Variants in PGAM5 observed in about 807,000 individuals in gnomAD.
PGAM5 encodes PGAM family member 5, mitochondrial serine/threonine protein phosphatase, also known as serine/threonine-protein phosphatase PGAM5, mitochondrial.
Under a neutral mutation model 30.6 loss-of-function variants are expected in PGAM5, and 25 were observed. That is an observed-to-expected ratio of 0.82 (90% CI 0.60 to 1.14). The LOEUF is 1.14. Among genes scored for constraint, PGAM5 ranks in the 50% most tolerant of loss-of-function variants. The pLI is 0.00. For missense variants in PGAM5, 384 were observed against 408.5 expected (o/e 0.94, Z 0.52); for synonymous variants, 201 against 179.1 (o/e 1.12, Z -0.98).
chr12:132,718,896 C>T, intron 5 of PGAM5: 2 of 1,601,396 alleles, frequency 1.2e-6, no homozygotes, highest in Middle Eastern at 1.7e-4. Context: ...GGGTCGAGGC[C>T]ACAGCTGAGT....
At position 132,713,190 on chromosome 12, in the gene PGAM5, C is replaced by G. The variant is rs577468150; in HGVS notation, c.192-1668C>G. ...AGAAAAAAAAGAACTTGAAGTAGAACCGGGAGCTGAGCCCAGCCTTTCTCT... is the reference window on the plus strand; with the variant it reads ...AGAAAAAAAAGAACTTGAAGTAGAAGCGGGAGCTGAGCCCAGCCTTTCTCT... On this transcript the variant is annotated intron_variant, in intron 1 of 5. Coordinates refer to ENST00000498926, the MANE Select transcript of PGAM5 (RefSeq NM_001170543.2). Among the ~76,000 whole-genome samples, 16 of 152,192 alleles carry G rather than the reference C, an allele frequency of 1.1e-4. No homozygotes were observed. The South Asian group carries it at 3.1e-3, about 30-fold the overall frequency.
intron 4 of PGAM5, 60 bp from the exon 5 acceptor site, chr12:132,717,927 C>G (rs1449960740): frequency 6.2e-7 from 1 of 1,606,748 alleles, no homozygotes; most frequent in Non-Finnish European, 8.5e-7. Context: ...GGGGTCTGTC[C>G]TCCTGACACC....
Position 132,717,807 on chromosome 12 carries a change from C to T in PGAM5, c.585+9C>T. 6.3e-7 allele frequency: 1 copy of T among 1,580,002 alleles called. No homozygotes were observed. The highest frequency in any genetic ancestry group is 8.6e-7 in the Non-Finnish European group (1 of 1,163,194). On this transcript the variant is annotated intron_variant, in intron 4 of 5. Transcript: ENST00000498926. ...GGAAGCCGGAAGCTGTGGTAAAAACCTCCCCGGGGGGCAGCTGTGTCACCC... is the reference window on the plus strand; with the variant it reads ...GGAAGCCGGAAGCTGTGGTAAAAACTTCCCCGGGGGGCAGCTGTGTCACCC...
At chr12:132,717,325 CGGA>C (rs1223109226) in intron 2 of PGAM5, 111 bp from the exon 3 acceptor site, 1 of 903,104 alleles carries the variant, frequency 1.1e-6, no homozygotes, top group Non-Finnish European at 1.5e-6. Context: ...TGTTTGCGGG[CGGA>C]GGAGGGGGTG....
chr12:132,720,418 C>A (rs964272816), intron 5 of PGAM5, among the ~76,000 whole-genome samples: 3 of 151,836 alleles, frequency 2.0e-5, no homozygotes, highest in Non-Finnish European at 4.4e-5. Flanking sequence ...CGCCATTCTT[C>A]TGCCTCAGCC....
chr12:132,715,660 C>G (rs910795888), intron 2 of PGAM5, among the ~76,000 whole-genome samples: 3 of 151,760 alleles, frequency 2.0e-5, no homozygotes, highest in African/African-American at 7.3e-5. Flanking sequence ...AGGTGGATCA[C>G]CTGAGGTCAG....
intron 1 of PGAM5, chr12:132,711,536 C>G (rs2043522818): frequency 6.6e-6 from 1 of 152,276 alleles, no homozygotes; most frequent in Non-Finnish European, 1.5e-5. Context: ...GCCTGTAATC[C>G]CAGCGTTTGG....
chr12:132,716,719 A>G (rs188119434), intron 2 of PGAM5, among the ~76,000 whole-genome samples: 5 of 152,210 alleles, frequency 3.3e-5, no homozygotes, highest in Non-Finnish European at 5.9e-5. Context: ...GCTAAGGTAG[A>G]GTTTACATTT....
At position 132,710,895 on chromosome 12, in the gene PGAM5, C is replaced by G. The variant is rs888160211; in HGVS notation, c.19C>G (p.Leu7Val). MAFRQA[L>V]QLAACGLAGG... ...AAGCGGCATGGCGTTCCGGCAGGCG[C>G]TGCAGCTGGCGGCCTGCGGGCTGGC... Residue 7 changes from leucine to valine, a missense_variant, in exon 1 of 6, where the codon CTG (leucine) becomes GTG (valine). Leu to Val is a conservative substitution (Grantham distance 32). Coordinates refer to ENST00000498926, the MANE Select transcript of PGAM5 (RefSeq NM_001170543.2). 38 of 1,141,486 alleles carry G rather than the reference C, an allele frequency of 3.3e-5. No homozygotes were observed. The highest frequency in any genetic ancestry group is 4.0e-5 in the Non-Finnish European group (37 of 931,596). 70.7% of individuals were successfully genotyped at this position (1,141,486 alleles called of 1,614,324 possible).
In PGAM5 at chr12:132,722,010, C is replaced by T. The variant is rs1201728155; in HGVS notation, c.*1182C>T. 1 of 152,050 alleles carries T rather than the reference C, an allele frequency of 6.6e-6. No homozygotes were observed. The highest frequency in any genetic ancestry group is 2.4e-5 in the African/African-American group (1 of 41,384). The allele number at this position is 152,050 out of a possible 1,614,324, so 9.4% of individuals were successfully genotyped here. On this transcript the variant is annotated 3_prime_UTR_variant, in exon 6 of 6. Transcript: ENST00000498926. ...TCTGAACTCACCAACTTGATTAGGT[C>T]TTTAGGGGCCGAGGGACTAGCCAGC...
chr12:132,718,942 T>C lies in PGAM5; in HGVS notation c.719+822T>C, dbSNP rs1015696828. The stretch of plus-strand genomic sequence containing the variant: ...CTCGGGCTGCTCCCTCGGGGGGCCC[T>C]TGTCCCTCAACCTGCTCTGGTGCCC... On this transcript the variant is annotated intron_variant, in intron 5 of 5. Transcript: ENST00000498926. The C allele has an allele frequency of 1.1e-5, 17 of 1,536,820 alleles. No individual in the cohort carries two copies. In the East Asian group the frequency reaches 2.1e-4, roughly 19 times the overall value.
chr12:132,714,593 TGCCTCTCATTA>T (rs2043553716), intron 1 of PGAM5, among the ~76,000 whole-genome samples: 1 of 152,214 alleles, frequency 6.6e-6, no homozygotes, highest in East Asian at 1.9e-4. Context: ...GTTCACTGTC[TGCCTCTCATTA>T]GAGAAGAAGA....
chr12:132,719,793 C>T (rs962079541), intron 5 of PGAM5, among the ~76,000 whole-genome samples: 1 of 152,228 alleles, frequency 6.6e-6, no homozygotes, highest in African/African-American at 2.4e-5. Flanking sequence ...ATGCGGCCCA[C>T]TGAGACAGGG....
chr12:132,719,196 A>ATG, intron 5 of PGAM5: 1 of 1,170,938 alleles, frequency 8.5e-7, no homozygotes, highest in South Asian at 1.8e-5. Context: ...CCATTAGGAA[A>ATG]TGTGTGTGTG....
At chr12:132,712,698 C>T (rs1287232752) in intron 1 of PGAM5, among the ~76,000 whole-genome samples, 1 of 152,014 alleles carries the variant, frequency 6.6e-6, no homozygotes, top group African/African-American at 2.4e-5. Flanking sequence ...TTAGGTGATC[C>T]TCCCACCTCG....
At chr12:132,719,603 A>T (rs1013465905) in intron 5 of PGAM5, among the ~76,000 whole-genome samples, 13 of 152,222 alleles carry the variant, frequency 8.5e-5, no homozygotes, top group Non-Finnish European at 1.5e-4. Flanking sequence ...AGTCACCCCG[A>T]GGTGACACAA....
At chr12:132,715,252 T>C (rs2043563559) in intron 2 of PGAM5, among the ~76,000 whole-genome samples, 3 of 152,242 alleles carry the variant, frequency 2.0e-5, no homozygotes. Context: ...CAGCTGAACT[T>C]GGACAGAAGA....
chr12:132,714,318 G>A (rs754061320), intron 1 of PGAM5, among the ~76,000 whole-genome samples: 1 of 152,190 alleles, frequency 6.6e-6, no homozygotes, highest in Non-Finnish European at 1.5e-5. Flanking sequence ...CACCCGGCCT[G>A]AGGGTCTAAA....
rs375373260 is a variant in PGAM5 at position 132,717,777 on chromosome 12, T to G, written c.564T>G (p.Ser188=). ...CCATCGAGCCAGACCCGCCCGTGTC[T>G]CATTGGAAGCCGGAAGCTGTGGTAA... ...GAPIEPDPPV[S]HWKPEAVQYY... Residue 188 remains serine, a synonymous_variant, in exon 4 of 6, where the codon TCT becomes TCG. Transcript: ENST00000498926. The G allele has an allele frequency of 7.6e-6, 12 of 1,588,468 alleles. No homozygotes were observed. The highest frequency in any genetic ancestry group is 7.7e-6 in the Non-Finnish European group (9 of 1,167,680).
Sources: allele counts gnomAD v4.1 joint callset (sites outside exome capture counted in the v4.1 genomes callset), GRCh38; gene constraint gnomAD v4.1.1; transcripts MANE v1.5; gene names NCBI Gene and HGNC (gene_info 2026-07-23, HGNC 2026-07-21).